Variants in ZC3H12B observed in about 807,000 individuals in gnomAD.
ZC3H12B encodes zinc finger CCCH-type containing 12B, also known as probable ribonuclease ZC3H12B.
A neutral mutation model predicts 43.9 loss-of-function variants in ZC3H12B; 7 were observed. The observed-to-expected ratio is 0.16, with a 90% confidence interval of 0.09 to 0.30. ZC3H12B has a LOEUF of 0.30. Ranked by LOEUF, ZC3H12B falls within the 10% of genes least tolerant of loss-of-function variation. ZC3H12B has a pLI of 1.00. For missense variants in ZC3H12B, 475 were observed against 670.2 expected, an observed-to-expected ratio of 0.71 and a Z score of 3.22; for synonymous variants, 222 against 241.7, an observed-to-expected ratio of 0.92 and a Z score of 0.76.
At chrX:65,258,598 T>C in the ZC3H12B span, among the ~76,000 whole-genome samples, 1 of 111,354 alleles carries the variant, frequency 9.0e-6, no homozygotes, top group Admixed American at 9.6e-5. Context: ...AAATAAAGGC[T>C]CTTAAATAGG....
At chrX:65,354,943 C>A in the ZC3H12B span, among the ~76,000 whole-genome samples, 7 of 111,573 alleles carry the variant, frequency 6.3e-5, no homozygotes, top group Non-Finnish European at 1.3e-4. Flanking sequence ...ACAAAGCCTC[C>A]AAGAAATATG....
the ZC3H12B span, among the ~76,000 whole-genome samples, chrX:65,349,655 A>G: frequency 8.9e-6 from 1 of 111,815 alleles, no homozygotes; most frequent in South Asian, 3.7e-4. Context: ...TAGATCCAAT[A>G]AAAAAATTAT....
At chrX:65,150,651 C>G in the ZC3H12B span, among the ~76,000 whole-genome samples, 1 of 111,640 alleles carries the variant, frequency 9.0e-6, no homozygotes, top group Non-Finnish European at 1.9e-5. Flanking sequence ...ATCCATGTCC[C>G]TGCAAAGGAC....
At chrX:65,362,981 C>T (rs767232023), upstream of ZC3H12B, among the ~76,000 whole-genome samples, 5 of 110,953 alleles carry the variant, frequency 4.5e-5, no homozygotes, top group East Asian at 1.1e-3. Flanking sequence ...GCTTTCTTTA[C>T]TATTCCTTTG....
the ZC3H12B span, among the ~76,000 whole-genome samples, chrX:65,249,014 T>A: frequency 9.0e-6 from 1 of 111,622 alleles, no homozygotes; most frequent in Non-Finnish European, 1.9e-5. Flanking sequence ...GAAGGTTTTT[T>A]ACTCACTCTG....
At chrX:65,363,518 C>T (rs1357512258), upstream of ZC3H12B, among the ~76,000 whole-genome samples, 1 of 111,760 alleles carries the variant, frequency 8.9e-6, no homozygotes, top group Non-Finnish European at 1.9e-5. Context: ...GGAAATCTAG[C>T]TGATCCCATA....
At chrX:65,202,711 T>C in the ZC3H12B span, among the ~76,000 whole-genome samples, 1 of 110,882 alleles carries the variant, frequency 9.0e-6, no homozygotes, top group Non-Finnish European at 1.9e-5. Context: ...AGCACAGCAT[T>C]GGATCTTACC....
chrX:65,387,163 C>T (rs1050445189), intron 2 of ZC3H12B, among the ~76,000 whole-genome samples: 1 of 111,490 alleles, frequency 9.0e-6, no homozygotes, highest in Non-Finnish European at 1.9e-5. Flanking sequence ...CTATTAGGTC[C>T]GCTTGGTGCA....
chrX:65,062,773 G>A, the ZC3H12B span, among the ~76,000 whole-genome samples: 4 of 112,018 alleles, frequency 3.6e-5, no homozygotes, highest in Non-Finnish European at 5.6e-5. Flanking sequence ...TCACGATATT[G>A]ATTCTTCCTA....
At chrX:65,281,464 A>T in the ZC3H12B span, among the ~76,000 whole-genome samples, 1 of 111,283 alleles carries the variant, frequency 9.0e-6, no homozygotes, top group Admixed American at 9.6e-5. Context: ...GGCCTCAAGC[A>T]TTCCACCTGC....
the ZC3H12B span, among the ~76,000 whole-genome samples, chrX:65,049,756 G>A: frequency 9.0e-6 from 1 of 111,086 alleles, no homozygotes; most frequent in Non-Finnish European, 1.9e-5. Flanking sequence ...AGATAGCTTT[G>A]GATAACATGG....
At chrX:65,241,005 G>T in the ZC3H12B span, among the ~76,000 whole-genome samples, 1 of 111,532 alleles carries the variant, frequency 9.0e-6, no homozygotes, top group Non-Finnish European at 1.9e-5. Flanking sequence ...CCCCTGTTGG[G>T]AGCTCTCACC....
At chrX:65,375,837 T>C (rs1422773543) in intron 2 of ZC3H12B, among the ~76,000 whole-genome samples, 1 of 111,663 alleles carries the variant, frequency 9.0e-6, no homozygotes, top group African/African-American at 3.3e-5. Flanking sequence ...TGGGACATGC[T>C]GGCTTCAGGT....
At chrX:65,090,253 G>T in the ZC3H12B span, among the ~76,000 whole-genome samples, 4 of 111,518 alleles carry the variant, frequency 3.6e-5, no homozygotes, top group Admixed American at 3.8e-4. Flanking sequence ...GAATTTTTCA[G>T]TTCCATTATA....
chrX:65,399,043 G>T (rs1449389339), intron 3 of ZC3H12B, among the ~76,000 whole-genome samples: 1 of 112,185 alleles, frequency 8.9e-6, no homozygotes, highest in Non-Finnish European at 1.9e-5. Context: ...TATTAAAGAC[G>T]CAAATATAAG....
the ZC3H12B span, among the ~76,000 whole-genome samples, chrX:65,088,925 G>A: frequency 9.0e-6 from 1 of 110,954 alleles, no homozygotes; most frequent in Non-Finnish European, 1.9e-5. Flanking sequence ...GGAAAATGGG[G>A]ACAATTAACA....
chrX:65,427,217 T>C (rs941489377), intron 3 of ZC3H12B, among the ~76,000 whole-genome samples: 1 of 111,921 alleles, frequency 8.9e-6, no homozygotes, highest in Non-Finnish European at 1.9e-5. Flanking sequence ...TGTAATGCCC[T>C]TCTTTGTCTT....
the ZC3H12B span, among the ~76,000 whole-genome samples, chrX:65,338,626 C>A: frequency 8.9e-6 from 1 of 112,258 alleles, no homozygotes; most frequent in Non-Finnish European, 1.9e-5. Context: ...AAAATACTAG[C>A]AATCTGAATC....
At chrX:65,104,670 G>A in the ZC3H12B span, among the ~76,000 whole-genome samples, 12 of 111,973 alleles carry the variant, frequency 1.1e-4, no homozygotes, top group Non-Finnish European at 1.7e-4. Context: ...CATTATCACT[G>A]GTCATTAGAG....
Sources: gnomAD v4.1 joint callset for allele counts (sites outside exome capture counted in the v4.1 genomes callset) on GRCh38, gnomAD v4.1.1 for gene constraint, MANE v1.5 for transcripts, NCBI Gene and HGNC (gene_info 2026-07-23, HGNC 2026-07-21) for gene names.